Variants in MYCBP2 observed in about 807,000 individuals in gnomAD.
MYCBP2 encodes E3 ubiquitin-protein ligase MYCBP2.
MYCBP2 carries 120 observed loss-of-function variants against 525.3 expected under a neutral mutation model. That is an observed-to-expected ratio of 0.23 (90% CI 0.20 to 0.27). The LOEUF (loss-of-function observed/expected upper bound fraction) is 0.27. Among genes scored for constraint, MYCBP2 ranks in the 10% least tolerant of loss-of-function variants. The pLI is 1.00. For synonymous variants in MYCBP2, 1,894 were observed against 1,955.8 expected (o/e 0.97, Z 0.83); for missense variants, 4,149 against 5,657.1 (o/e 0.73, Z 8.55).
intron 63 of MYCBP2, 83 bp downstream of exon 63, chr13:77,082,949 C>G (rs750137623): frequency 1.6e-5 from 22 of 1,362,008 alleles, no homozygotes; most frequent in Non-Finnish European, 2.1e-5. Flanking sequence ...ATTTAAAGAG[C>G]TTTTTTTGGA....
chr13:77,228,489 AGAGT>A (rs2066635937), intron 18 of MYCBP2, among the ~76,000 whole-genome samples: 1 of 151,014 alleles, frequency 6.6e-6, no homozygotes, highest in African/African-American at 2.5e-5. Context: ...CCTAGGTGAT[AGAGT>A]GAGACCCTGT....
rs890980934 is a variant in MYCBP2 at position 77,058,050 on chromosome 13, C to T, written c.13329+168G>A. 7.2e-5 allele frequency among the ~76,000 whole-genome samples: 11 copies of T among 152,134 alleles called. No homozygotes were observed. The highest frequency in any genetic ancestry group is 2.7e-4 in the African/African-American group (11 of 41,490). The stretch of plus-strand genomic sequence containing the variant: ...AGAGACGGGGTCTCACTGTGTTAGC[C>T]AGGATGGTCTCGATCTCCTGACCTC... On this transcript the variant is annotated intron_variant, in intron 78 of 82. Coordinates refer to ENST00000544440, the MANE Select transcript of MYCBP2 (RefSeq NM_015057.5). This position sits in a 1 kb window ranked among gnomAD's most constrained non-coding sequence, Gnocchi z 4.1.
At chr13:77,053,811 T>G (rs1361307499) in intron 80 of MYCBP2, among the ~76,000 whole-genome samples, 1 of 152,210 alleles carries the variant, frequency 6.6e-6, no homozygotes, top group East Asian at 1.9e-4. Context: ...ATTGGGAGAC[T>G]ATGCACCTTT....
rs1049964504 is a variant in MYCBP2, at chr13:77,276,552, G to C, written c.748+2206C>G. ...ACGAGATCAGCAGTAAACACTGAAAGGATGGAAGACAGACGAAAGGCAGTA... is the reference window on the plus strand; with the variant it reads ...ACGAGATCAGCAGTAAACACTGAAACGATGGAAGACAGACGAAAGGCAGTA... On this transcript the variant is annotated intron_variant, in intron 4 of 82. Coordinates refer to ENST00000544440, the MANE Select transcript of MYCBP2 (RefSeq NM_015057.5). Among the ~76,000 whole-genome samples the C allele has an allele frequency of 4.6e-5, 7 of 152,160 alleles. No individual in the cohort carries two copies. In the East Asian group the frequency reaches 1.3e-3, roughly 29 times the overall value.
In MYCBP2 at chr13:77,213,084, G is replaced by C. The variant is rs1173841897; in HGVS notation, c.3058-924C>G. On this transcript the variant is annotated intron_variant, in intron 21 of 82. Transcript: ENST00000544440. ...AGAACCAGGGAAGGAAACATGGCAA[G>C]CACATGATTAGAGAAGCAGCCAAAA... Among the ~76,000 whole-genome samples, 3 of 152,168 alleles carry C rather than the reference G, an allele frequency of 2.0e-5. No individual in the cohort carries two copies. The East Asian group carries it at 5.8e-4, about 29-fold the overall frequency.
chr13:77,182,815 G>A (rs1211437347), intron 32 of MYCBP2, among the ~76,000 whole-genome samples: 1 of 152,196 alleles, frequency 6.6e-6, no homozygotes, highest in East Asian at 1.9e-4. Context: ...TAAGTGGTGA[G>A]TGTAGATACC....
intron 1 of MYCBP2, among the ~76,000 whole-genome samples, chr13:77,318,485 G>A (rs1009266056): frequency 1.3e-5 from 2 of 152,238 alleles, no homozygotes; most frequent in African/African-American, 4.8e-5. Context: ...GCCAGGCGCA[G>A]TGGCTCACGC....
At chr13:77,046,094 G>A (rs1208285973) in intron 82 of MYCBP2, among the ~76,000 whole-genome samples, 2 of 152,058 alleles carry the variant, frequency 1.3e-5, no homozygotes, top group African/African-American at 2.4e-5. Context: ...ATACAATGTG[G>A]AAAAAACACT....
intron 55 of MYCBP2, chr13:77,118,192 G>C: frequency 1.7e-6 from 1 of 586,864 alleles, no homozygotes; most frequent in Non-Finnish European, 3.0e-6. Context: ...GCTCAGAATA[G>C]CTTAGATATT....
intron 49 of MYCBP2, among the ~76,000 whole-genome samples, chr13:77,141,920 C>T (rs995552824): frequency 9.2e-5 from 14 of 152,000 alleles, no homozygotes; most frequent in Admixed American, 1.3e-4. Flanking sequence ...TTGATGGCAT[C>T]GGAGAAAACT....
chr13:77,315,894 CAAAAAAAAAA>C (rs34819956), intron 1 of MYCBP2, among the ~76,000 whole-genome samples: 3 of 94,272 alleles, frequency 3.2e-5, no homozygotes, highest in African/African-American at 1.2e-4. Flanking sequence ...GGCTCTGTCT[CAAAAAAAAAA>C]AAAAAAAAAA....
At chr13:77,115,945 T>C (rs1403674557) in intron 55 of MYCBP2, among the ~76,000 whole-genome samples, 2 of 151,556 alleles carry the variant, frequency 1.3e-5, no homozygotes, top group East Asian at 1.9e-4. Flanking sequence ...TAAAAATATA[T>C]ATATATTAAA....
chr13:77,305,668 T>A (rs2079327463), intron 1 of MYCBP2, among the ~76,000 whole-genome samples: 1 of 151,674 alleles, frequency 6.6e-6, no homozygotes, highest in Non-Finnish European at 1.5e-5. Context: ...GTATTACCCC[T>A]TTTATTTTTA....
At chr13:77,061,968 C>G (rs1156657649) in intron 74 of MYCBP2, among the ~76,000 whole-genome samples, 178 bp from the exon 75 acceptor site, 1 of 152,196 alleles carries the variant, frequency 6.6e-6, no homozygotes, top group East Asian at 1.9e-4. Flanking sequence ...TCTCTCAAAA[C>G]TCCAAATCCA....
intron 3 of MYCBP2, among the ~76,000 whole-genome samples, chr13:77,284,963 C>T (rs2154355941): frequency 6.6e-6 from 1 of 152,294 alleles, no homozygotes; most frequent in Non-Finnish European, 1.5e-5. Context: ...ATAACCCATG[C>T]TAACCCTGTT....
chr13:77,166,188 C>T, intron 41 of MYCBP2, 141 bp downstream of exon 41: 2 of 638,464 alleles, frequency 3.1e-6, no homozygotes, highest in East Asian at 2.8e-5. Flanking sequence ...TTATTTATTC[C>T]TCGAATGCAA....
intron 4 of MYCBP2, among the ~76,000 whole-genome samples, chr13:77,275,106 A>G (rs1429937154): frequency 2.0e-5 from 3 of 152,176 alleles, no homozygotes; most frequent in Non-Finnish European, 4.4e-5. Flanking sequence ...ACTATTCTAC[A>G]CTAGGGTATT....
chr13:77,061,113 G>C, intron 76 of MYCBP2, 56 bp downstream of exon 76: 2 of 1,532,806 alleles, frequency 1.3e-6, no homozygotes, highest in Non-Finnish European at 1.8e-6. Context: ...CAGTTGGCAC[G>C]GTTTAATCTT....
chr13:77,197,050 A>G (rs1263214134), intron 26 of MYCBP2, among the ~76,000 whole-genome samples: 1 of 152,188 alleles, frequency 6.6e-6, no homozygotes, highest in African/African-American at 2.4e-5. Context: ...GGACAAGAGA[A>G]GAAAGTATTT....
Sources: allele counts gnomAD v4.1 joint callset (sites outside exome capture counted in the v4.1 genomes callset), GRCh38; gene constraint gnomAD v4.1.1; non-coding constraint Gnocchi (gnomAD v3.1); transcripts MANE v1.5; gene names NCBI Gene and HGNC (gene_info 2026-07-23, HGNC 2026-07-21).